Variants in AUH observed in about 807,000 individuals in gnomAD.
AUH encodes the protein methylglutaconyl-CoA hydratase, mitochondrial.
Under a neutral mutation model 42.3 loss-of-function variants are expected in AUH, and 29 were observed. The ratio of observed to expected loss-of-function variants is 0.69; its 90% confidence interval spans 0.51 to 0.93. The LOEUF (loss-of-function observed/expected upper bound fraction) is 0.93. AUH is among the 40% of genes least tolerant of loss of function. The pLI is 0.00. For synonymous variants in AUH, 174 were observed against 166.4 expected (o/e 1.05, Z -0.35); for missense variants, 452 against 438.1 (o/e 1.03, Z -0.28).
At chr9:91,351,641 A>C (rs1831996047) in intron 3 of AUH, among the ~76,000 whole-genome samples, 1 of 152,194 alleles carries the variant, frequency 6.6e-6, no homozygotes, top group South Asian at 2.1e-4. Flanking sequence ...GCAGGAGGTG[A>C]GCACAGGCAA....
intron 6 of AUH, among the ~76,000 whole-genome samples, chr9:91,276,146 AG>A (rs1825521621): frequency 6.6e-6 from 1 of 152,192 alleles, no homozygotes; most frequent in Non-Finnish European, 1.5e-5. Context: ...AATTAGGAAC[AG>A]GTCGAGCGCG....
intron 6 of AUH, among the ~76,000 whole-genome samples, chr9:91,258,148 G>A (rs1829507182): frequency 6.6e-6 from 1 of 152,148 alleles, no homozygotes; most frequent in African/African-American, 2.4e-5. Flanking sequence ...AAAGTGTTTT[G>A]GTAGACTCTT....
intron 3 of AUH, among the ~76,000 whole-genome samples, chr9:91,333,570 C>T (rs1010007176): frequency 2.0e-5 from 3 of 152,176 alleles, no homozygotes; most frequent in Non-Finnish European, 2.9e-5. Context: ...TACCTTCCCT[C>T]CTCTCATTAT....
At chr9:91,334,909 A>G (rs1467240957) in intron 3 of AUH, among the ~76,000 whole-genome samples, 1 of 152,208 alleles carries the variant, frequency 6.6e-6, no homozygotes, top group African/African-American at 2.4e-5. Flanking sequence ...TAATCAGGTC[A>G]AGATAACCAA....
At chr9:91,325,551 C>G in intron 3 of AUH, 147 bp from the exon 4 acceptor site, 1 of 701,616 alleles carries the variant, frequency 1.4e-6, no homozygotes, top group South Asian at 1.5e-5. Flanking sequence ...GTTTTCCTTC[C>G]CAATGACCAT....
At chr9:91,344,672 C>T (rs1160544955) in intron 3 of AUH, among the ~76,000 whole-genome samples, 1 of 152,110 alleles carries the variant, frequency 6.6e-6, no homozygotes, top group Non-Finnish European at 1.5e-5. Flanking sequence ...GAAATAATAA[C>T]AACTATGCAA....
chr9:91,270,706 C>A (rs1022209879), intron 6 of AUH, among the ~76,000 whole-genome samples: 2 of 151,982 alleles, frequency 1.3e-5, no homozygotes, highest in Non-Finnish European at 1.5e-5. Context: ...TTTGACCTAC[C>A]CGGTGCCATA....
chr9:91,283,262 A>C (rs1476127845), intron 6 of AUH, among the ~76,000 whole-genome samples: 4 of 152,090 alleles, frequency 2.6e-5, no homozygotes, highest in Admixed American at 1.3e-4. Flanking sequence ...AAATTCAACA[A>C]CCTTCATGCT....
At position 91,240,501 on chromosome 9, in the gene AUH, G is replaced by A. The variant is rs1388245881; in HGVS notation, c.656-19509C>T. On this transcript the variant is annotated intron_variant, in intron 6 of 9. Coordinates refer to ENST00000375731, the MANE Select transcript of AUH (RefSeq NM_001698.3). ...GGAATGGCTGGGCTAGTAAATTGGA[G>A]TGAAGGCCTCCAGGTAAGGCTATCT... Among the ~76,000 whole-genome samples the A allele has an allele frequency of 2.6e-5, 4 of 152,312 alleles. No homozygotes were observed. In the South Asian group the frequency reaches 6.2e-4, roughly 24 times the overall value.
chr9:91,228,108 G>A (rs1827629255), intron 6 of AUH, among the ~76,000 whole-genome samples: 1 of 152,130 alleles, frequency 6.6e-6, no homozygotes, highest in Admixed American at 6.5e-5. Context: ...CTATTGATTG[G>A]CATAGTTTCA....
intron 7 of AUH, among the ~76,000 whole-genome samples, chr9:91,219,175 G>A (rs745377210): frequency 5.3e-5 from 8 of 152,116 alleles, no homozygotes; most frequent in Non-Finnish European, 1.2e-4. Flanking sequence ...TTTGCTGCAT[G>A]GTGGCCACAG....
intron 6 of AUH, among the ~76,000 whole-genome samples, chr9:91,227,333 T>A (rs1448192093): frequency 4.1e-5 from 5 of 122,454 alleles, no homozygotes; most frequent in South Asian, 3.2e-4. Context: ...GGGAGTTCAC[T>A]CATGATTTGG....
chr9:91,222,894 T>C (rs1827212879), intron 6 of AUH, among the ~76,000 whole-genome samples: 1 of 152,216 alleles, frequency 6.6e-6, no homozygotes, highest in African/African-American at 2.4e-5. Flanking sequence ...TGTCACACTT[T>C]TTATTCAACA....
At chr9:91,292,509 C>T (rs1206231461) in intron 6 of AUH, among the ~76,000 whole-genome samples, 1 of 151,912 alleles carries the variant, frequency 6.6e-6, no homozygotes, top group Non-Finnish European at 1.5e-5. Flanking sequence ...AAACTCCTGA[C>T]CTCAAGTGAT....
Position 91,219,747 on chromosome 9 carries a change from A to T in AUH, c.843+1058T>A, listed in dbSNP as rs575157852. Among the ~76,000 whole-genome samples the T allele has an allele frequency of 2.0e-5, 3 of 152,360 alleles. No individual in the cohort carries two copies. The South Asian group carries it at 6.2e-4, about 32-fold the overall frequency. On this transcript the variant is annotated intron_variant, in intron 7 of 9. Coordinates refer to ENST00000375731, the MANE Select transcript of AUH (RefSeq NM_001698.3). ...ACCGATTCAGCAGGTGCATACCAGC[A>T]GAGTGGGGACTGGTTTGTCAGCAAA...
chr9:91,298,182 T>C, intron 4 of AUH, 106 bp from the exon 5 acceptor site: 5 of 830,346 alleles, frequency 6.0e-6, no homozygotes, highest in Admixed American at 2.0e-5. Flanking sequence ...TGGGAGATCA[T>C]ATACAGACTT....
chr9:91,258,621 A>G (rs1436210876), intron 6 of AUH, among the ~76,000 whole-genome samples: 9 of 152,334 alleles, frequency 5.9e-5, no homozygotes, highest in African/African-American at 2.2e-4. Flanking sequence ...GAGAGTGGAC[A>G]GGCTTGTTTA....
chr9:91,217,341 TAAAG>T lies in AUH; in HGVS notation c.844-18_844-15del, dbSNP rs765291575. The T allele has an allele frequency of 6.2e-7, 1 of 1,610,842 alleles. No homozygotes were observed. The highest frequency in any genetic ancestry group is 1.1e-5 in the South Asian group (1 of 90,956). On this transcript the variant is annotated splice_polypyrimidine_tract_variant and intron_variant, in intron 7 of 9. Coordinates refer to ENST00000375731, the MANE Select transcript of AUH (RefSeq NM_001698.3). ...TGCAACAGGTCCCTAAAATTCAAATTAAAGAAACAGACTTCAATTATTTTTTATG... is the reference window on the plus strand; with the variant it reads ...TGCAACAGGTCCCTAAAATTCAAATTAAACAGACTTCAATTATTTTTTATG...
At chr9:91,298,699 A>T (rs756105139) in intron 4 of AUH, among the ~76,000 whole-genome samples, 8 of 152,238 alleles carry the variant, frequency 5.3e-5, no homozygotes, top group Non-Finnish European at 1.2e-4. Flanking sequence ...GGGGTCAGCC[A>T]GTCACAGAAC....
Sources: gnomAD v4.1 joint callset for allele counts (sites outside exome capture counted in the v4.1 genomes callset) on GRCh38, gnomAD v4.1.1 for gene constraint, MANE v1.5 for transcripts, NCBI Gene and HGNC (gene_info 2026-07-23, HGNC 2026-07-21) for gene names.